CALN1: variants seen among roughly 807,000 people sequenced by gnomAD.
CALN1 encodes calcium-binding protein 8.
A neutral mutation model predicts 30.6 loss-of-function variants in CALN1; 17 were observed. That is an observed-to-expected ratio of 0.56 (90% confidence interval 0.38 to 0.83). The LOEUF is 0.83. CALN1 is among the 40% of genes least tolerant of loss of function. CALN1 has a pLI of 0.00. For missense variants in CALN1, 291 were observed against 354.9 expected (o/e 0.82, Z 1.45); for synonymous variants, 156 against 131.4 (o/e 1.19, Z -1.28).
the CALN1 span, among the ~76,000 whole-genome samples, chr7:72,497,386 G>A: frequency 2.0e-5 from 3 of 152,170 alleles, no homozygotes; most frequent in Admixed American, 2.0e-4. Flanking sequence ...GTTGCAGTGA[G>A]CTGAGATCAC....
chr7:72,173,680 G>A (rs1789136146), intron 3 of CALN1, among the ~76,000 whole-genome samples: 1 of 152,052 alleles, frequency 6.6e-6, no homozygotes, highest in Non-Finnish European at 1.5e-5. Context: ...AGTGGCAAAA[G>A]AAAGGTGGTT....
At chr7:72,259,638 A>G (rs985084756) in intron 3 of CALN1, among the ~76,000 whole-genome samples, 1 of 152,062 alleles carries the variant, frequency 6.6e-6, no homozygotes, top group African/African-American at 2.4e-5. Context: ...AATCCCTTTC[A>G]CATTAATTTC....
chr7:72,069,641 C>T lies in CALN1; in HGVS notation c.388+36510G>A, dbSNP rs566469932. 2.0e-5 allele frequency among the ~76,000 whole-genome samples: 3 copies of T among 152,226 alleles called. No homozygotes were observed. In the East Asian group the frequency reaches 5.8e-4, roughly 29 times the overall value. On this transcript the variant is annotated intron_variant, in intron 4 of 6. Transcript: ENST00000395275. ...ATACAGGATGGCAATTAGAACCCAC[C>T]CTGATTATCCAGGATAATCTCCCCC...
rs903192269 is a variant in CALN1, at chr7:72,057,517, A to T, written c.389-33748T>A. Among the ~76,000 whole-genome samples the T allele has an allele frequency of 3.3e-5, 5 of 151,514 alleles. No homozygotes were observed. In the Middle Eastern group the frequency reaches 0.014, roughly 415 times the overall value. Reference sequence around the variant, plus strand: ...CATTATTTGTAACAGTGAGAAATGGAAAAGAATAAGGAATATAAATAGGAA... The same window carrying T: ...CATTATTTGTAACAGTGAGAAATGGTAAAGAATAAGGAATATAAATAGGAA... On this transcript the variant is annotated intron_variant, in intron 4 of 6. Coordinates refer to ENST00000395275, the MANE Select transcript of CALN1 (RefSeq NM_031468.4).
At chr7:71,896,778 C>T (rs890044075) in intron 5 of CALN1, among the ~76,000 whole-genome samples, 7 of 152,178 alleles carry the variant, frequency 4.6e-5, no homozygotes, top group Admixed American at 3.3e-4. Context: ...CTTAGCTCCT[C>T]TCCACCTCCA....
chr7:72,026,986 G>A (rs956156044), intron 4 of CALN1, among the ~76,000 whole-genome samples: 24 of 152,128 alleles, frequency 1.6e-4, no homozygotes, highest in Admixed American at 1.0e-3. Context: ...AGGTGGGGCT[G>A]GATGGCCAAA....
At chr7:72,431,985 G>C (rs1807994337) in intron 1 of CALN1, among the ~76,000 whole-genome samples, 1 of 152,140 alleles carries the variant, frequency 6.6e-6, no homozygotes, top group Non-Finnish European at 1.5e-5. Context: ...CATGAACTGT[G>C]AGACTGTTCG....
chr7:72,258,287 C>T (rs1796048271), intron 3 of CALN1, among the ~76,000 whole-genome samples: 1 of 152,188 alleles, frequency 6.6e-6, no homozygotes, highest in African/African-American at 2.4e-5. Flanking sequence ...CTTTGATTTC[C>T]TGCAGTCTCT....
intron 5 of CALN1, among the ~76,000 whole-genome samples, chr7:71,995,226 A>T (rs1799193386): frequency 6.6e-6 from 1 of 152,222 alleles, no homozygotes; most frequent in East Asian, 1.9e-4. Flanking sequence ...CTTACTGTAC[A>T]CGTGATGAAG....
intron 3 of CALN1, among the ~76,000 whole-genome samples, chr7:72,108,901 T>C (rs755606115): frequency 4.6e-5 from 7 of 152,200 alleles, no homozygotes; most frequent in Non-Finnish European, 8.8e-5. Context: ...CCAGGGGTCA[T>C]GGATTCCGCA....
At chr7:72,436,723 T>C (rs1585727851) in intron 1 of CALN1, among the ~76,000 whole-genome samples, 2 of 152,204 alleles carry the variant, frequency 1.3e-5, no homozygotes, top group East Asian at 1.9e-4. Context: ...TCTTAAATAA[T>C]GTTCTCCAAG....
At chr7:72,378,050 C>T (rs1281473472) in intron 2 of CALN1, among the ~76,000 whole-genome samples, 2 of 151,738 alleles carry the variant, frequency 1.3e-5, no homozygotes, top group Non-Finnish European at 2.9e-5. Context: ...TTTGCTTCAA[C>T]TGTTATCCAT....
chr7:72,394,032 G>T (rs1333813873), intron 2 of CALN1, among the ~76,000 whole-genome samples: 1 of 152,198 alleles, frequency 6.6e-6, no homozygotes, highest in East Asian at 1.9e-4. Context: ...TCCAAGAGAT[G>T]GGGTCAGCAA....
intron 5 of CALN1, among the ~76,000 whole-genome samples, chr7:71,935,007 C>T (rs1048776838): frequency 3.3e-5 from 5 of 152,190 alleles, no homozygotes; most frequent in Non-Finnish European, 7.4e-5. Flanking sequence ...TCCAACAACA[C>T]ATGGAAATTA....
chr7:72,165,393 C>T (rs1299980071), intron 3 of CALN1, among the ~76,000 whole-genome samples: 1 of 152,006 alleles, frequency 6.6e-6, no homozygotes, highest in Non-Finnish European at 1.5e-5. Context: ...GACTGCGTTC[C>T]TACTAAAAAT....
intron 3 of CALN1, among the ~76,000 whole-genome samples, chr7:72,210,008 C>T (rs2677286): frequency 0.01 from 1,548 of 152,224 alleles, 23 homozygotes; most frequent in African/African-American, 0.035. Flanking sequence ...CAGCAGCATC[C>T]CCCGAAGCCC....
At chr7:72,449,835 A>G (rs1808625049), upstream of CALN1, among the ~76,000 whole-genome samples, 1 of 130,926 alleles carries the variant, frequency 7.6e-6, no homozygotes, top group South Asian at 2.6e-4. Context: ...AGATTGCACC[A>G]CTGCACTCCA....
At chr7:72,311,974 C>G (rs1203417929) in intron 2 of CALN1, among the ~76,000 whole-genome samples, 2 of 151,980 alleles carry the variant, frequency 1.3e-5, no homozygotes, top group Non-Finnish European at 2.9e-5. Flanking sequence ...CTTCCAAGAC[C>G]CAGTGGCAGA....
intron 2 of CALN1, among the ~76,000 whole-genome samples, chr7:72,316,118 T>A (rs1425508471): frequency 6.6e-6 from 1 of 151,286 alleles, no homozygotes; most frequent in Admixed American, 6.6e-5. Flanking sequence ...ACCACTGCAC[T>A]CCAGCCCAGA....
Sources: gnomAD v4.1 joint callset for allele counts (sites outside exome capture counted in the v4.1 genomes callset) on GRCh38, gnomAD v4.1.1 for gene constraint, MANE v1.5 for transcripts, NCBI Gene and HGNC (gene_info 2026-07-23, HGNC 2026-07-21) for gene names.